The following EHF variants were observed in gnomAD, a reference collection of about 807,000 sequenced individuals.
The protein encoded by EHF is ETS homologous factor.
A neutral mutation model predicts 45.1 loss-of-function variants in EHF; 14 were observed. The observed-to-expected ratio is 0.31, with a 90% CI of 0.21 to 0.49. The LOEUF (loss-of-function observed/expected upper bound fraction) is 0.49. EHF is among the 20% of genes least tolerant of loss of function. EHF has a pLI of 0.99. For missense variants in EHF, 282 were observed against 371.4 expected (o/e 0.76, Z 1.98); for synonymous variants, 136 against 131.8 (o/e 1.03, Z -0.22).
intron 6 of EHF, among the ~76,000 whole-genome samples, chr11:34,652,216 T>G (rs1421979573): frequency 6.6e-6 from 1 of 152,200 alleles, no homozygotes; most frequent in Non-Finnish European, 1.5e-5. Context: ...AATTCAAAGG[T>G]CCGTGAACCT....
At chr11:34,624,498 T>C (rs1190285951) in intron 1 of EHF, among the ~76,000 whole-genome samples, 1 of 152,224 alleles carries the variant, frequency 6.6e-6, no homozygotes, top group Non-Finnish European at 1.5e-5. Context: ...AATAGATTTG[T>C]TCTAAAGAGC....
chr11:34,623,091 C>G (rs1002855718), intron 1 of EHF, among the ~76,000 whole-genome samples: 2 of 151,880 alleles, frequency 1.3e-5, no homozygotes, highest in African/African-American at 2.4e-5. Context: ...TCAAACAATC[C>G]TTTTTGGTTT....
rs1329590818 is a variant in EHF at position 34,660,863 on chromosome 11, G to T, written c.*1932G>T. 2 of 152,162 alleles carry T rather than the reference G, an allele frequency of 1.3e-5. No homozygotes were observed. The highest frequency in any genetic ancestry group is 2.9e-5 in the Non-Finnish European group (2 of 68,018). The allele number at this position is 152,162 out of a possible 1,614,324, so 9.4% of individuals were successfully genotyped here. A position where few individuals can be genotyped will look rare whatever the true frequency, so the allele number is the denominator to read the frequency against. ...TGCAAAGTGTTTGTAATATATTCAT[G>T]AGGCTGGAAGTAAGAAGAATTAAAA... On this transcript the variant is annotated 3_prime_UTR_variant, in exon 9 of 9. Transcript: ENST00000257831.
At chr11:34,649,185 A>G (rs946350871) in intron 4 of EHF, 104 bp downstream of exon 4, 4 of 1,198,518 alleles carry the variant, frequency 3.3e-6, no homozygotes, top group Non-Finnish European at 4.8e-6. Flanking sequence ...TTTGCAGGAA[A>G]CACAGGGAGG....
At chr11:34,632,590 A>ATTTTCTC (rs775469102) in intron 1 of EHF, 1 of 1,535,426 alleles carries the variant, frequency 6.5e-7, no homozygotes, top group South Asian at 1.2e-5. Context: ...AGGCAAGGGC[A>ATTTTCTC]TGGGGTTGCC....
Position 34,658,711 on chromosome 11 carries a change from G to A in EHF, c.786G>A (p.Lys262=), listed in dbSNP as rs771519966. ...KKNNSSMTYE[K]LSRAMRYYYK... Reference sequence around the variant, plus strand: ...ACAACAGCAGCATGACCTATGAAAAGCTCAGCCGAGCTATGAGGTGAGGAG... The same window carrying A: ...ACAACAGCAGCATGACCTATGAAAAACTCAGCCGAGCTATGAGGTGAGGAG... Residue 262 remains lysine, a synonymous_variant, in exon 8 of 9, where the codon AAG becomes AAA. Coordinates refer to ENST00000257831, the MANE Select transcript of EHF (RefSeq NM_012153.6). 15 of 1,613,448 alleles carry A rather than the reference G, an allele frequency of 9.3e-6. No individual in the cohort carries two copies. The Admixed American group carries it at 1.3e-4, about 14-fold the overall frequency.
At chr11:34,628,761 C>T (rs530392928) in intron 1 of EHF, among the ~76,000 whole-genome samples, 15 of 152,290 alleles carry the variant, frequency 9.8e-5, no homozygotes, top group African/African-American at 3.6e-4. Context: ...AAGAGATCCC[C>T]TGCCCACCCA....
intron 1 of EHF, among the ~76,000 whole-genome samples, chr11:34,637,507 G>C (rs1460042174): frequency 2.0e-5 from 3 of 152,210 alleles, no homozygotes; most frequent in African/African-American, 7.2e-5. Flanking sequence ...GCACAGAACA[G>C]TGCTTTCTTG....
chr11:34,642,202 G>C (rs1854069353), intron 1 of EHF: 1 of 176,864 alleles, frequency 5.7e-6, no homozygotes. Context: ...CAGGTGCTGG[G>C]GCTGTGCTGC....
At chr11:34,630,654 C>T (rs906151412) in intron 1 of EHF, among the ~76,000 whole-genome samples, 1 of 138,312 alleles carries the variant, frequency 7.2e-6, no homozygotes, top group Non-Finnish European at 1.5e-5. Context: ...GTCCTCCACC[C>T]TTCCTACATT....
intron 3 of EHF, 80 bp downstream of exon 3, chr11:34,646,764 C>T: frequency 6.4e-7 from 1 of 1,552,836 alleles, no homozygotes; most frequent in Non-Finnish European, 8.7e-7. Flanking sequence ...TGACAGGATT[C>T]TTTGTCAGGG....
rs1182149855 is a variant in EHF at position 34,662,686 on chromosome 11, A to G, written c.*3755A>G. Among the ~76,000 whole-genome samples the G allele has an allele frequency of 1.3e-5, 2 of 152,164 alleles. No homozygotes were observed. The highest frequency in any genetic ancestry group is 2.9e-5 in the Non-Finnish European group (2 of 68,022). ...TGTTTTTCAAATATATCAAGTATAG[A>G]AAAAGGTAAAACAGTTAAGAAGGAA... is the stretch of plus-strand genomic sequence containing the variant. On this transcript the variant is annotated 3_prime_UTR_variant, in exon 9 of 9. Transcript: ENST00000257831.
Position 34,646,540 on chromosome 11 carries a change from C to A in EHF, c.199C>A (p.Gln67Lys), listed in dbSNP as rs1233900868. ...EWLQHLLDTN[Q>K]LDANCIPFQE... ...GCTCCAGCACCTCCTGGACACCAAC[C>A]AGCTGGATGCCAATTGTATCCCTTT... Residue 67 changes from glutamine (Q) to lysine (K), a missense_variant, in exon 3 of 9, where the codon CAG (glutamine) becomes AAG (lysine). Physicochemically the swap from Gln to Lys is moderately conservative, Grantham distance 53. Transcript: ENST00000257831. 6.2e-7 allele frequency: 1 copy of A among 1,613,920 alleles called. No individual in the cohort carries two copies. The highest frequency in any genetic ancestry group is 2.2e-5 in the East Asian group (1 of 44,878).
intron 1 of EHF, chr11:34,632,580 A>C: frequency 6.5e-7 from 1 of 1,535,610 alleles, no homozygotes; most frequent in Non-Finnish European, 8.7e-7. Flanking sequence ...TTTTCTGTGA[A>C]GGCAAGGGCA....
chr11:34,631,178 C>A (rs1852857418), intron 1 of EHF, among the ~76,000 whole-genome samples: 1 of 152,106 alleles, frequency 6.6e-6, no homozygotes, highest in Non-Finnish European at 1.5e-5. Context: ...ACTACAGGCA[C>A]ATGCCACCAT....
chr11:34,651,786 C>A lies in EHF; in HGVS notation c.525C>A (p.Thr175=), dbSNP rs756777232. 6 of 1,613,766 alleles carry A rather than the reference C, an allele frequency of 3.7e-6. No individual in the cohort carries two copies. The highest frequency in any genetic ancestry group is 1.7e-5 in the Admixed American group (1 of 59,992). The part of the protein sequence containing the change: ...TFCRAQISMT[T]TSHLPVAESP... ...GCCGGGCTCAGATCTCCATGACAAC[C>A]ACCAGTCACCTTCCTGTTGGTAAGC... Residue 175 remains threonine (T), a synonymous_variant, in exon 6 of 9, where the codon ACC becomes ACA. Coordinates refer to ENST00000257831, the MANE Select transcript of EHF (RefSeq NM_012153.6).
At chr11:34,632,237 T>G (rs1236896284) in intron 1 of EHF, among the ~76,000 whole-genome samples, 1 of 152,228 alleles carries the variant, frequency 6.6e-6, no homozygotes, top group East Asian at 1.9e-4. Flanking sequence ...TTAACTGCGT[T>G]GTTATCGGAG....
intron 6 of EHF, among the ~76,000 whole-genome samples, chr11:34,656,290 T>G (rs1399770687): frequency 6.6e-6 from 1 of 152,112 alleles, no homozygotes; most frequent in South Asian, 2.1e-4. Flanking sequence ...AATGGCGCCT[T>G]TGTCAGGCTG....
chr11:34,660,764 T>C lies in EHF; in HGVS notation c.*1833T>C, dbSNP rs1336658666. On this transcript the variant is annotated 3_prime_UTR_variant, in exon 9 of 9. Coordinates refer to ENST00000257831, the MANE Select transcript of EHF (RefSeq NM_012153.6). Reference sequence around the variant, plus strand: ...GAAGACATGTATCCATAAGAAGGAGTGCTCTTCATCAACTAATAGAGCACC... The same window carrying C: ...GAAGACATGTATCCATAAGAAGGAGCGCTCTTCATCAACTAATAGAGCACC... The C allele has an allele frequency of 1.3e-5, 2 of 152,126 alleles. No homozygotes were observed. The highest frequency in any genetic ancestry group is 4.1e-4 in the South Asian group (2 of 4,828). The allele number at this position is 152,126 out of a possible 1,614,324, so 9.4% of individuals were successfully genotyped here.
Sources: gnomAD v4.1 joint callset for allele counts (sites outside exome capture counted in the v4.1 genomes callset) on GRCh38, gnomAD v4.1.1 for gene constraint, MANE v1.5 for transcripts, NCBI Gene and HGNC (gene_info 2026-07-23, HGNC 2026-07-21) for gene names.